The following RALGAPA1 variants were observed in gnomAD, a reference collection of about 807,000 sequenced individuals.
RALGAPA1 encodes Ral GTPase activating protein catalytic subunit alpha 1.
RALGAPA1 carries 52 observed loss-of-function variants against 269.6 expected under a neutral mutation model. That is an observed-to-expected ratio of 0.19 (90% CI 0.15 to 0.24). RALGAPA1 has a LOEUF of 0.24. Among genes scored for constraint, RALGAPA1 ranks in the 10% least tolerant of loss-of-function variants. The pLI, the probability that RALGAPA1 is intolerant of heterozygous loss-of-function variation, is 1.00. For missense variants in RALGAPA1, 1,917 were observed against 3,013.9 expected, an observed-to-expected ratio of 0.64 and a Z score of 8.52; for synonymous variants, 817 against 1,008.3, an observed-to-expected ratio of 0.81 and a Z score of 3.60.
rs888617501 is a variant in RALGAPA1 at position 35,802,817 on chromosome 14, G to C, written c.106+5913C>G. Among the ~76,000 whole-genome samples, 4 of 151,872 alleles carry C rather than the reference G, an allele frequency of 2.6e-5. No homozygotes were observed. The East Asian group carries it at 7.7e-4, about 29-fold the overall frequency. ...TCACCTCAGCCTCCCAGGTGACTGGGATCCCAGGCACACACTACCATGCCC... is the reference window on the plus strand; with the variant it reads ...TCACCTCAGCCTCCCAGGTGACTGGCATCCCAGGCACACACTACCATGCCC... On this transcript the variant is annotated intron_variant, in intron 1 of 41. Transcript: ENST00000680220.
At chr14:35,802,189 T>C (rs1405872704) in intron 1 of RALGAPA1, among the ~76,000 whole-genome samples, 1 of 152,094 alleles carries the variant, frequency 6.6e-6, no homozygotes, top group African/African-American at 2.4e-5. Context: ...GTGCCTGTAA[T>C]CCCAGCCACT....
chr14:35,656,356 T>C (rs957375081), intron 28 of RALGAPA1, among the ~76,000 whole-genome samples: 1 of 152,228 alleles, frequency 6.6e-6, no homozygotes, highest in African/African-American at 2.4e-5. Flanking sequence ...TAGCTACAAA[T>C]TGTTTTAAAA....
At chr14:35,595,373 A>C (rs1034982768) in intron 37 of RALGAPA1, among the ~76,000 whole-genome samples, 27 of 152,228 alleles carry the variant, frequency 1.8e-4, no homozygotes, top group African/African-American at 6.3e-4. Flanking sequence ...TATGTATCCC[A>C]CAACATTTCA....
chr14:35,547,961 G>C (rs1016699658), intron 41 of RALGAPA1, among the ~76,000 whole-genome samples: 1 of 151,522 alleles, frequency 6.6e-6, no homozygotes, highest in South Asian at 2.1e-4. Flanking sequence ...TGTGCCTTTT[G>C]AATTTATTTA....
At chr14:35,645,974 G>A (rs1392591564) in intron 31 of RALGAPA1, among the ~76,000 whole-genome samples, 1 of 152,036 alleles carries the variant, frequency 6.6e-6, no homozygotes, top group Non-Finnish European at 1.5e-5. Context: ...GGCTCCCACT[G>A]GCTAAGTATG....
At chr14:35,566,103 C>G (rs577224527) in intron 39 of RALGAPA1, among the ~76,000 whole-genome samples, 3 of 151,786 alleles carry the variant, frequency 2.0e-5, no homozygotes, top group Non-Finnish European at 4.4e-5. Context: ...ATTAAACTAA[C>G]AAATTGAGCT....
chr14:35,804,730 T>G (rs2077231437), intron 1 of RALGAPA1, among the ~76,000 whole-genome samples: 1 of 151,660 alleles, frequency 6.6e-6, no homozygotes, highest in African/African-American at 2.4e-5. Context: ...GTCCAGGAGC[T>G]TGCAACCAGC....
At position 35,672,946 on chromosome 14, in the gene RALGAPA1, C is replaced by T. The variant is rs779624092; in HGVS notation, c.4994G>A (p.Arg1665Lys). Reference protein sequence around the residue: ...YKLICNTMKRRQDVSPNRDFL... With the variant: ...YKLICNTMKRKQDVSPNRDFL... The stretch of plus-strand genomic sequence containing the variant: ...ATCTCTATTTGGAGAAACATCTTGT[C>T]TTCTTTTCATTGTATTACAAATAAG... Residue 1665 changes from arginine to lysine, a missense_variant, in exon 25 of 42, where the codon AGA becomes AAA. Arg to Lys is a conservative substitution (Grantham distance 26). Transcript: ENST00000680220. 1 of 1,574,084 alleles carries T rather than the reference C, an allele frequency of 6.4e-7. No individual in the cohort carries two copies. Among genetic ancestry groups the T allele is most frequent in the Non-Finnish European group, 8.6e-7 (1 of 1,160,104 alleles).
At chr14:35,695,040 G>T (rs550686233) in intron 17 of RALGAPA1, among the ~76,000 whole-genome samples, 1 of 152,092 alleles carries the variant, frequency 6.6e-6, no homozygotes, top group East Asian at 1.9e-4. Context: ...AGATTGCACC[G>T]CTGCATTCTA....
chr14:35,588,620 T>A (rs1173075307), intron 37 of RALGAPA1, among the ~76,000 whole-genome samples: 3 of 152,206 alleles, frequency 2.0e-5, no homozygotes, highest in African/African-American at 7.2e-5. Context: ...GGCAAGGATG[T>A]GGAAAAAAGA....
chr14:35,610,988 T>TA (rs891942083), intron 35 of RALGAPA1, among the ~76,000 whole-genome samples: 2 of 152,036 alleles, frequency 1.3e-5, no homozygotes, highest in African/African-American at 2.4e-5. Context: ...AGATCTACAT[T>TA]AAAAAAAAGT....
intron 13 of RALGAPA1, among the ~76,000 whole-genome samples, chr14:35,726,107 T>A (rs1468931710): frequency 6.6e-6 from 1 of 152,186 alleles, no homozygotes; most frequent in Admixed American, 6.5e-5. Flanking sequence ...TGCAAGTCCA[T>A]TCCAGGCATA....
rs1428551027 is a variant in RALGAPA1, at chr14:35,542,183, T to G, written c.*24-2493A>C. The G allele has an allele frequency of 1.4e-5, 5 of 350,362 alleles. No homozygotes were observed. In the East Asian group the frequency reaches 4.1e-4, roughly 29 times the overall value. The allele number at this position is 350,362 out of a possible 1,614,324, so 21.7% of individuals were successfully genotyped here. Reference sequence around the variant, plus strand: ...ATCTCTAGAGCTGCATTGTCCAATGTGGTAGCCACAGCCACATTAAGTTTA... The same window carrying G: ...ATCTCTAGAGCTGCATTGTCCAATGGGGTAGCCACAGCCACATTAAGTTTA... On this transcript the variant is annotated intron_variant, in intron 41 of 41. Coordinates refer to ENST00000680220, the MANE Select transcript of RALGAPA1 (RefSeq NM_001346249.2).
At chr14:35,758,775 A>C (rs1328104756) in intron 6 of RALGAPA1, among the ~76,000 whole-genome samples, 1 of 152,124 alleles carries the variant, frequency 6.6e-6, no homozygotes, top group Non-Finnish European at 1.5e-5. Flanking sequence ...GATGAAAGAA[A>C]ACCTCTCTAT....
At chr14:35,612,135 A>G (rs2059970615) in intron 35 of RALGAPA1, among the ~76,000 whole-genome samples, 1 of 152,128 alleles carries the variant, frequency 6.6e-6, no homozygotes, top group Admixed American at 6.6e-5. Flanking sequence ...GCACTTTGGG[A>G]GGCTGTTAGG....
chr14:35,756,948 A>AT, intron 6 of RALGAPA1, 40 bp from the exon 7 acceptor site: 1 of 1,463,236 alleles, frequency 6.8e-7, no homozygotes, highest in Non-Finnish European at 9.1e-7. Context: ...TTACAAAACA[A>AT]ATTTAATAAA....
intron 35 of RALGAPA1, among the ~76,000 whole-genome samples, chr14:35,620,513 G>A (rs2060546734): frequency 6.6e-6 from 1 of 152,048 alleles, no homozygotes; most frequent in Admixed American, 6.6e-5. Context: ...TCTGGCCAGG[G>A]CAATCAAGCA....
At chr14:35,549,383 C>A (rs2054761875) in intron 39 of RALGAPA1, 149 bp from the exon 40 acceptor site, 2 of 750,972 alleles carry the variant, frequency 2.7e-6, no homozygotes, top group Non-Finnish European at 3.9e-6. Flanking sequence ...AACAGTATGG[C>A]TTTTTAAAGT....
intron 17 of RALGAPA1, among the ~76,000 whole-genome samples, chr14:35,691,086 A>ATT (rs1567015785): frequency 1.3e-5 from 2 of 149,048 alleles, no homozygotes; most frequent in African/African-American, 2.5e-5. Context: ...TAATAATAAT[A>ATT]ATAATTATTA....
Sources: gnomAD v4.1 joint callset for allele counts (sites outside exome capture counted in the v4.1 genomes callset) on GRCh38, gnomAD v4.1.1 for gene constraint, MANE v1.5 for transcripts, NCBI Gene and HGNC (gene_info 2026-07-23, HGNC 2026-07-21) for gene names.